The following RALGPS2 variants were observed in gnomAD, a reference collection of about 807,000 sequenced individuals.
RALGPS2 encodes Ral GEF with PH domain and SH3 binding motif 2, also known as ras-specific guanine nucleotide-releasing factor RalGPS2.
Under a neutral mutation model 86.8 loss-of-function variants are expected in RALGPS2, and 43 were observed. The observed-to-expected ratio is 0.50, with a 90% CI of 0.39 to 0.64. The LOEUF (loss-of-function observed/expected upper bound fraction) is 0.64, where lower values mean the gene tolerates loss of function less well. Among genes scored for constraint, RALGPS2 ranks in the 30% least tolerant of loss-of-function variants. RALGPS2 has a pLI of 0.00. For missense variants in RALGPS2, 536 were observed against 694.6 expected (o/e 0.77, Z 2.57); for synonymous variants, 243 against 231.3 (o/e 1.05, Z -0.46).
intron 8 of RALGPS2, among the ~76,000 whole-genome samples, chr1:178,862,589 TTTTTTTTATTTATTTATTTATTTA>T (rs1318806689): frequency 2.1e-4 from 27 of 129,424 alleles, no homozygotes; most frequent in African/African-American, 8.8e-4. Flanking sequence ...AGGAGTTGCA[TTTTTTTTATTTATTTATTTATTTA>T]TTTATTTATT....
intron 6 of RALGPS2, among the ~76,000 whole-genome samples, chr1:178,812,708 C>T (rs1655040520): frequency 6.6e-6 from 1 of 152,078 alleles, no homozygotes. Flanking sequence ...ACGTAACTTT[C>T]CTCACATGTG....
At chr1:178,764,354 TG>T (rs1652394650) in intron 1 of RALGPS2, among the ~76,000 whole-genome samples, 1 of 152,218 alleles carries the variant, frequency 6.6e-6, no homozygotes, top group South Asian at 2.1e-4. Flanking sequence ...AGCTTGTGGG[TG>T]CCATTGCATT....
At chr1:178,790,591 G>T (rs1215225573) in intron 4 of RALGPS2, among the ~76,000 whole-genome samples, 1 of 152,016 alleles carries the variant, frequency 6.6e-6, no homozygotes, top group African/African-American at 2.4e-5. Flanking sequence ...CTGTTGTTTC[G>T]GTCTTTTTAG....
rs1658293091 is a variant in RALGPS2, at chr1:178,865,047, C to T, written c.608-12451C>T. The T allele has an allele frequency of 1.3e-6, 2 of 1,506,038 alleles. No individual in the cohort carries two copies. Among genetic ancestry groups the T allele is most frequent in the South Asian group, 1.4e-5 (1 of 72,064 alleles). The allele number at this position is 1,506,038 out of a possible 1,614,324, so 93.3% of individuals were successfully genotyped here. ...GGTGGCATTAAATCTCTGGGATAAC[C>T]TGGATCCCTCTGAATCTCGTTACCT... On this transcript the variant is annotated intron_variant, in intron 8 of 19. Transcript: ENST00000367635.
Position 178,747,091 on chromosome 1 carries a change from T to C in RALGPS2, c.-84+21672T>C. The C allele has an allele frequency of 3.4e-6, 3 of 885,110 alleles. No individual in the cohort carries two copies. In the South Asian group the frequency reaches 4.1e-5, roughly 12 times the overall value. The allele number at this position is 885,110 out of a possible 1,614,324, so 54.8% of individuals were successfully genotyped here. ...CTGAGATAAGACCCATTTGGAATTT[T>C]CTTATGTTCAGTAACACTTGTTTAA... On this transcript the variant is annotated intron_variant, in intron 1 of 19. Transcript: ENST00000367635.
At chr1:178,810,911 A>G (rs1026145248) in intron 5 of RALGPS2, among the ~76,000 whole-genome samples, 1 of 152,120 alleles carries the variant, frequency 6.6e-6, no homozygotes, top group Non-Finnish European at 1.5e-5. Context: ...TATAATAAGC[A>G]AACTATTCAG....
intron 10 of RALGPS2, among the ~76,000 whole-genome samples, chr1:178,882,049 C>G (rs950949480): frequency 3.9e-5 from 6 of 152,152 alleles, no homozygotes; most frequent in Non-Finnish European, 8.8e-5. Context: ...CTGAACATAT[C>G]TGTTCTTAAT....
chr1:178,770,351 A>G (rs1572310130), intron 1 of RALGPS2, among the ~76,000 whole-genome samples: 1 of 151,896 alleles, frequency 6.6e-6, no homozygotes, highest in Non-Finnish European at 1.5e-5. Flanking sequence ...CACTATCTTG[A>G]TATTTCCAAG....
intron 1 of RALGPS2, among the ~76,000 whole-genome samples, chr1:178,763,486 A>G (rs1467082967): frequency 1.3e-5 from 2 of 152,236 alleles, no homozygotes; most frequent in Non-Finnish European, 2.9e-5. Flanking sequence ...TGAACATGGA[A>G]TGCTTTTCCA....
chr1:178,846,829 A>G (rs1656887633), intron 8 of RALGPS2, among the ~76,000 whole-genome samples: 1 of 152,232 alleles, frequency 6.6e-6, no homozygotes, highest in South Asian at 2.1e-4. Flanking sequence ...AGGCTTTAGC[A>G]GGAAAGTAAT....
At chr1:178,899,517 G>A (rs569316822) in intron 17 of RALGPS2, among the ~76,000 whole-genome samples, 5 of 151,804 alleles carry the variant, frequency 3.3e-5, no homozygotes, top group Non-Finnish European at 7.4e-5. Flanking sequence ...TTCAAATAAA[G>A]TTAGAATACA....
intron 8 of RALGPS2, among the ~76,000 whole-genome samples, chr1:178,876,613 G>T (rs1407121339): frequency 1.3e-5 from 2 of 152,078 alleles, no homozygotes; most frequent in Non-Finnish European, 2.9e-5. Context: ...GAAGGCAGTG[G>T]GTATGTCATT....
chr1:178,885,151 C>T lies in RALGPS2; in HGVS notation c.980C>T (p.Pro327Leu), dbSNP rs569583893. ...AAEGALLPQT[P>L]PSPRNLIPHG... ...GAAGGAGCCTTGCTCCCACAGACAC[C>T]GCCATCCCCTCGGAATCTGATTCCA... Residue 327 changes from proline to leucine, a missense_variant, in exon 12 of 20, where the codon CCG becomes CTG. By Grantham distance (98) the Pro-to-Leu change is moderately conservative (BLOSUM62 -3). This residue lies in a region of RALGPS2 where 309 missense variants were observed against 363.0 expected (regional missense o/e 0.85). Transcript: ENST00000367635. 1.3e-5 allele frequency: 21 copies of T among 1,613,776 alleles called. No homozygotes were observed. The highest frequency in any genetic ancestry group is 8.9e-5 in the East Asian group (4 of 44,852).
rs1659831849 is a variant in RALGPS2 at position 178,894,028 on chromosome 1, A to T, written c.1431+4A>T. 2 of 1,508,900 alleles carry T rather than the reference A, an allele frequency of 1.3e-6. No homozygotes were observed. Among genetic ancestry groups the T allele is most frequent in the Non-Finnish European group, 1.8e-6 (2 of 1,092,518 alleles). The allele number at this position is 1,508,900 out of a possible 1,614,324, so 93.5% of individuals were successfully genotyped here. On this transcript the variant is annotated splice_donor_region_variant and intron_variant, in intron 16 of 19. Transcript: ENST00000367635. The stretch of plus-strand genomic sequence containing the variant: ...AAAAGAAGGCAAAAAGCCTACAGTA[A>T]GATTTCATCATATTATATTTTAATA...
chr1:178,897,442 T>C (rs932112019), intron 16 of RALGPS2, among the ~76,000 whole-genome samples: 6 of 152,040 alleles, frequency 3.9e-5, no homozygotes, highest in African/African-American at 1.4e-4. Context: ...TAACTATTCT[T>C]TTGTAGCTGG....
intron 1 of RALGPS2, among the ~76,000 whole-genome samples, chr1:178,775,121 A>G (rs997467464): frequency 1.3e-5 from 2 of 152,180 alleles, no homozygotes; most frequent in African/African-American, 4.8e-5. Context: ...TAGTAATAGC[A>G]TATTTACCAT....
At chr1:178,909,643 A>ATTTTTTTTTTTTTTTTTTTT (rs57890269) in intron 19 of RALGPS2, among the ~76,000 whole-genome samples, 22 of 72,362 alleles carry the variant, frequency 3.0e-4, no homozygotes, top group East Asian at 7.4e-4. Flanking sequence ...TTCTTTTTTA[A>ATTTTTTTTTTTTTTTTTTTT]TTTTTTTTTT....
intron 13 of RALGPS2, among the ~76,000 whole-genome samples, chr1:178,887,098 C>T (rs1659521015): frequency 6.6e-6 from 1 of 152,136 alleles, no homozygotes; most frequent in Admixed American, 6.6e-5. Context: ...TTTGTTTTTA[C>T]TTCCTAAACT....
chr1:178,759,149 C>A (rs536901845), intron 1 of RALGPS2, among the ~76,000 whole-genome samples: 1 of 152,248 alleles, frequency 6.6e-6, no homozygotes, highest in Admixed American at 6.5e-5. Context: ...TTCTCCCAGA[C>A]CAATGCTCTG....
Sources: allele counts gnomAD v4.1 joint callset (sites outside exome capture counted in the v4.1 genomes callset), GRCh38; gene constraint gnomAD v4.1.1; regional missense constraint gnomAD v4.1.1; transcripts MANE v1.5; gene names NCBI Gene and HGNC (gene_info 2026-07-23, HGNC 2026-07-21).